MAP2K4: variants seen among roughly 807,000 people sequenced by gnomAD.
The protein encoded by MAP2K4 is dual specificity mitogen-activated protein kinase kinase 4.
A neutral mutation model predicts 48.5 loss-of-function variants in MAP2K4; 4 were observed. The ratio of observed to expected loss-of-function variants is 0.08; its 90% CI spans 0.04 to 0.19. MAP2K4 has a LOEUF of 0.19. MAP2K4 is among the 10% of genes least tolerant of loss of function. The pLI, the probability that MAP2K4 is intolerant of heterozygous loss-of-function variation, is 1.00. For synonymous variants in MAP2K4, 166 were observed against 173.1 expected, an observed-to-expected ratio of 0.96 and a Z score of 0.32; for missense variants, 258 against 493.3, an observed-to-expected ratio of 0.52 and a Z score of 4.52.
At chr17:12,134,028 C>A (rs182711402) in intron 9 of MAP2K4, among the ~76,000 whole-genome samples, 1 of 152,244 alleles carries the variant, frequency 6.6e-6, no homozygotes. Context: ...CTAACAACAA[C>A]GCCTGTGTTG....
chr17:12,101,521 T>C (rs1171834328), intron 4 of MAP2K4, among the ~76,000 whole-genome samples: 2 of 152,094 alleles, frequency 1.3e-5, no homozygotes, highest in African/African-American at 4.8e-5. Flanking sequence ...AATCCACTTG[T>C]CGATTTCTAC....
At chr17:12,058,003 C>A (rs1227959434) in intron 2 of MAP2K4, among the ~76,000 whole-genome samples, 4 of 150,978 alleles carry the variant, frequency 2.6e-5, no homozygotes, top group African/African-American at 9.8e-5. Context: ...TGAATGGAAG[C>A]TTTGGTTATA....
At chr17:12,052,789 C>T (rs1970182060) in intron 1 of MAP2K4, among the ~76,000 whole-genome samples, 1 of 152,168 alleles carries the variant, frequency 6.6e-6, no homozygotes, top group South Asian at 2.1e-4. Context: ...TTTCTGTAAA[C>T]GATTTGCCAT....
rs144523187 is a variant in MAP2K4 at position 12,135,198 on chromosome 17, C to A, written c.1041-4641C>A. The stretch of plus-strand genomic sequence containing the variant: ...CAACCTCCCGGTTTCAAGTGATTCT[C>A]CTGCCTCAGCCTCCAGAGTAGCTGG... On this transcript the variant is annotated intron_variant, in intron 9 of 10. Transcript: ENST00000353533. 6.2e-3 allele frequency among the ~76,000 whole-genome samples: 946 copies of A among 152,264 alleles called. 2 individuals are homozygous for A. The highest frequency in any genetic ancestry group is 0.036 in the East Asian group (186 of 5,156).
At position 12,081,624 on chromosome 17, in the gene MAP2K4, G is replaced by A; in HGVS notation, c.393+94G>A. 1 of 1,261,418 alleles carries A rather than the reference G, an allele frequency of 7.9e-7. No individual in the cohort carries two copies. The highest frequency in any genetic ancestry group is 1.1e-6 in the Non-Finnish European group (1 of 903,904). The allele number at this position is 1,261,418 out of a possible 1,614,324, so 78.1% of individuals were successfully genotyped here. On this transcript the variant is annotated intron_variant, in intron 3 of 10. Coordinates refer to ENST00000353533, the MANE Select transcript of MAP2K4 (RefSeq NM_003010.4). The surrounding 1 kb of genome is among the most constrained non-coding windows in gnomAD (Gnocchi z 4.2). ...ACTGTTGTTGTGTTCCTACTTTTGT[G>A]GTAAATGTGGGTGTTTAAAAAATTG... is the stretch of plus-strand genomic sequence containing the variant.
chr17:12,125,518 T>C, intron 8 of MAP2K4, 147 bp downstream of exon 8: 1 of 651,524 alleles, frequency 1.5e-6, no homozygotes, highest in Non-Finnish European at 2.7e-6. Context: ...AAAAAGTATG[T>C]ATTTATTTAC....
chr17:12,092,037 A>C (rs1160985957), intron 3 of MAP2K4, among the ~76,000 whole-genome samples: 1 of 152,140 alleles, frequency 6.6e-6, no homozygotes, highest in Non-Finnish European at 1.5e-5. Context: ...GAGCTCAGTA[A>C]CCCCATAATG....
intron 3 of MAP2K4, among the ~76,000 whole-genome samples, chr17:12,085,591 GT>G (rs1971335282): frequency 6.6e-6 from 1 of 151,978 alleles, no homozygotes. Context: ...CACCTCTACT[GT>G]TTCATTGATG....
At chr17:12,067,709 T>C (rs532352321) in intron 2 of MAP2K4, among the ~76,000 whole-genome samples, 1 of 152,342 alleles carries the variant, frequency 6.6e-6, no homozygotes, top group East Asian at 1.9e-4. Flanking sequence ...AAGTCATAGT[T>C]GCCAGAAACC....
rs554370926 is a variant in MAP2K4, at chr17:12,098,254, C to T, written c.513+2560C>T. On this transcript the variant is annotated intron_variant, in intron 4 of 10. Coordinates refer to ENST00000353533, the MANE Select transcript of MAP2K4 (RefSeq NM_003010.4). ...CAGCACTTCAGGAGGCCGAGGTGGGCGGATCACGAGGTCAGGAGCCCGAGA... is the reference window on the plus strand; with the variant it reads ...CAGCACTTCAGGAGGCCGAGGTGGGTGGATCACGAGGTCAGGAGCCCGAGA... Among the ~76,000 whole-genome samples, 340 of 152,012 alleles carry T rather than the reference C, an allele frequency of 2.2e-3. 2 individuals carry two copies. The highest frequency in any genetic ancestry group is 7.8e-3 in the African/African-American group (322 of 41,450).
chr17:12,117,981 A>C (rs1972556942), intron 7 of MAP2K4, among the ~76,000 whole-genome samples: 1 of 152,226 alleles, frequency 6.6e-6, no homozygotes, highest in Admixed American at 6.5e-5. Context: ...CAGTGAACAC[A>C]TGCCATTTGA....
chr17:12,074,261 C>A (rs1970921809), intron 2 of MAP2K4, among the ~76,000 whole-genome samples: 2 of 152,070 alleles, frequency 1.3e-5, no homozygotes. Context: ...TTTCTCTTCA[C>A]TATGGGTCAT....
chr17:12,139,006 C>A (rs1169834359), intron 9 of MAP2K4, among the ~76,000 whole-genome samples: 2 of 152,030 alleles, frequency 1.3e-5, no homozygotes, highest in Admixed American at 1.3e-4. Context: ...AAGAATAAGT[C>A]CTTCCTTCTT....
chr17:12,062,409 G>A (rs780658666), intron 2 of MAP2K4, among the ~76,000 whole-genome samples: 6 of 151,984 alleles, frequency 3.9e-5, no homozygotes, highest in Admixed American at 1.3e-4. Context: ...ATCATAGCTC[G>A]CTGCAGTCTT....
rs1160906936 is a variant in MAP2K4, at chr17:12,142,237, CAGGG to C, written c.*980_*983del. On this transcript the variant is annotated 3_prime_UTR_variant, in exon 11 of 11. Coordinates refer to ENST00000353533, the MANE Select transcript of MAP2K4 (RefSeq NM_003010.4). ...TACTTTAGCCATCATAACTCACTAA[CAGGG>C]AGAAGTAGCTAGTAGCAATGTGCCT... The C allele has an allele frequency of 8.6e-6, 2 of 233,568 alleles. No homozygotes were observed. The highest frequency in any genetic ancestry group is 1.2e-4 in the East Asian group (2 of 16,590). The allele number at this position is 233,568 out of a possible 1,614,324, so 14.5% of individuals were successfully genotyped here.
intron 2 of MAP2K4, chr17:12,069,930 T>TATAC (rs1970743019): frequency 3.0e-5 from 3 of 101,334 alleles, no homozygotes; most frequent in Non-Finnish European, 5.5e-5. Context: ...TATATATATA[T>TATAC]ATATATATAT....
At chr17:12,099,269 G>A (rs912969635) in intron 4 of MAP2K4, among the ~76,000 whole-genome samples, 3 of 150,852 alleles carry the variant, frequency 2.0e-5, no homozygotes, top group Admixed American at 1.3e-4. Context: ...TGTCTATTGT[G>A]TATATATGTC....
intron 7 of MAP2K4, 56 bp downstream of exon 7, chr17:12,113,416 C>G: frequency 6.3e-7 from 1 of 1,580,062 alleles, no homozygotes; most frequent in Non-Finnish European, 8.6e-7. Context: ...AGAGCCTGTG[C>G]TCTTTTGTGC....
At chr17:12,054,799 C>A in intron 1 of MAP2K4, 90 bp from the exon 2 acceptor site, 1 of 723,490 alleles carries the variant, frequency 1.4e-6, no homozygotes. Context: ...AGCAAGTTCT[C>A]TTGCCTTTTG....
Sources: gnomAD v4.1 joint callset for allele counts (sites outside exome capture counted in the v4.1 genomes callset) on GRCh38, gnomAD v4.1.1 for gene constraint, Gnocchi (gnomAD v3.1) non-coding constraint, MANE v1.5 for transcripts, NCBI Gene and HGNC (gene_info 2026-07-23, HGNC 2026-07-21) for gene names.